The following NRXN1 variants were observed in gnomAD, a reference collection of about 807,000 sequenced individuals.
NRXN1 encodes neurexin-1.
A neutral mutation model predicts 150.9 loss-of-function variants in NRXN1; 39 were observed. That is an observed-to-expected ratio of 0.26 (90% CI 0.20 to 0.34). The LOEUF is 0.34. NRXN1 is among the 10% of genes least tolerant of loss of function. The pLI, the probability that NRXN1 is intolerant of heterozygous loss-of-function variation, is 1.00. For synonymous variants in NRXN1, 924 were observed against 757.0 expected (o/e 1.22, Z -3.62); for missense variants, 1,815 against 1,949.9 (o/e 0.93, Z 1.30).
intron 21 of NRXN1, among the ~76,000 whole-genome samples, chr2:50,003,196 C>T (rs7604754): frequency 0.1 from 15,930 of 152,054 alleles, 870 homozygotes; most frequent in Middle Eastern, 0.21. Flanking sequence ...CCACTTCTGT[C>T]ATTAGTCCCT....
At chr2:50,772,164 C>G (rs1460554820) in intron 5 of NRXN1, among the ~76,000 whole-genome samples, 1 of 151,820 alleles carries the variant, frequency 6.6e-6, no homozygotes, top group Non-Finnish European at 1.5e-5. Flanking sequence ...TATGAGGTCT[C>G]CGATGTGCTT....
intron 17 of NRXN1, among the ~76,000 whole-genome samples, chr2:50,369,700 A>T (rs2079870392): frequency 6.6e-6 from 1 of 151,998 alleles, no homozygotes; most frequent in South Asian, 2.1e-4. Context: ...TCTTTATAGT[A>T]AGTGATGCTG....
At chr2:50,424,727 C>T (rs771558956) in intron 17 of NRXN1, among the ~76,000 whole-genome samples, 1 of 152,156 alleles carries the variant, frequency 6.6e-6, no homozygotes, top group Non-Finnish European at 1.5e-5. Context: ...TTCAGGAATT[C>T]AGCACCCATA....
intron 2 of NRXN1, among the ~76,000 whole-genome samples, chr2:50,940,689 G>T (rs1689298898): frequency 1.3e-5 from 2 of 151,970 alleles, no homozygotes; most frequent in African/African-American, 4.8e-5. Context: ...TAAAGTTTTT[G>T]TTTTTTGTTT....
intron 18 of NRXN1, among the ~76,000 whole-genome samples, chr2:50,173,784 C>A (rs1379010052): frequency 2.0e-5 from 3 of 152,034 alleles, no homozygotes; most frequent in African/African-American, 7.2e-5. Flanking sequence ...TTTAAAAATT[C>A]AGTTGATATA....
At chr2:50,215,664 A>G (rs2063344521) in intron 18 of NRXN1, among the ~76,000 whole-genome samples, 1 of 152,062 alleles carries the variant, frequency 6.6e-6, no homozygotes, top group Non-Finnish European at 1.5e-5. Flanking sequence ...TAAAAAGATT[A>G]TGTGTATAAT....
chr2:49,937,121 G>A (rs1671185986), intron 22 of NRXN1, among the ~76,000 whole-genome samples: 2 of 152,190 alleles, frequency 1.3e-5, no homozygotes, highest in Non-Finnish European at 2.9e-5. Context: ...CCTAATTTCT[G>A]TGGAAAGGGT....
intron 21 of NRXN1, 85 bp downstream of exon 21, chr2:50,053,186 A>G (rs1486410716): frequency 1.4e-6 from 2 of 1,401,830 alleles, no homozygotes; most frequent in Non-Finnish European, 2.0e-6. Flanking sequence ...AAAATGTTCC[A>G]ATTTAGAAAA....
chr2:50,887,987 G>T (rs1255573799), intron 5 of NRXN1, among the ~76,000 whole-genome samples: 2 of 150,406 alleles, frequency 1.3e-5, no homozygotes, highest in Non-Finnish European at 3.0e-5. Context: ...AGTAGAAGAG[G>T]CTGGATAATG....
chr2:50,663,509 A>C (rs1687600174), intron 5 of NRXN1, among the ~76,000 whole-genome samples: 1 of 152,136 alleles, frequency 6.6e-6, no homozygotes, highest in Non-Finnish European at 1.5e-5. Flanking sequence ...CTGAAGTCTA[A>C]GTTATCTCTT....
At chr2:50,102,218 C>T (rs1390546581) in intron 18 of NRXN1, among the ~76,000 whole-genome samples, 1 of 151,866 alleles carries the variant, frequency 6.6e-6, no homozygotes, top group African/African-American at 2.4e-5. Context: ...TTCATCTTCA[C>T]AAAACAGTAA....
chr2:50,286,492 G>A (rs1260235010), intron 17 of NRXN1, among the ~76,000 whole-genome samples: 5 of 152,096 alleles, frequency 3.3e-5, no homozygotes, highest in Admixed American at 2.6e-4. Flanking sequence ...ATAGTAGTCT[G>A]TTGTGTATAT....
At chr2:51,009,457 G>A (rs543222953) in intron 2 of NRXN1, among the ~76,000 whole-genome samples, 21 of 151,874 alleles carry the variant, frequency 1.4e-4, no homozygotes, top group African/African-American at 4.3e-4. Context: ...ATAATATATC[G>A]GGACAAAAGG....
intron 21 of NRXN1, among the ~76,000 whole-genome samples, chr2:50,030,456 G>A (rs1353887921): frequency 1.3e-5 from 2 of 152,096 alleles, no homozygotes; most frequent in Non-Finnish European, 2.9e-5. Context: ...AACACTTTAT[G>A]TCATGCATAT....
chr2:50,181,470 A>C (rs868692503), intron 18 of NRXN1, among the ~76,000 whole-genome samples: 18 of 152,214 alleles, frequency 1.2e-4, no homozygotes, highest in Middle Eastern at 6.8e-3. Flanking sequence ...GTATCTGCTG[A>C]TCTTCAGTCT....
chr2:50,948,176 G>A (rs1453072573), intron 2 of NRXN1, among the ~76,000 whole-genome samples: 1 of 151,908 alleles, frequency 6.6e-6, no homozygotes, highest in Non-Finnish European at 1.5e-5. Context: ...AAGATTTCTT[G>A]AGGTAATTTT....
At chr2:50,657,760 C>T (rs908348099) in intron 5 of NRXN1, among the ~76,000 whole-genome samples, 5 of 152,014 alleles carry the variant, frequency 3.3e-5, no homozygotes, top group African/African-American at 4.8e-5. Flanking sequence ...GCTTGAAATT[C>T]TCACCTTCCT....
chr2:50,808,871 C>A (rs534012582), intron 5 of NRXN1, among the ~76,000 whole-genome samples: 1 of 152,054 alleles, frequency 6.6e-6, no homozygotes, highest in Non-Finnish European at 1.5e-5. Context: ...ACTTACTAAA[C>A]AATTAGGCAA....
At chr2:50,875,163 G>A (rs1678383348) in intron 5 of NRXN1, among the ~76,000 whole-genome samples, 1 of 151,648 alleles carries the variant, frequency 6.6e-6, no homozygotes, top group African/African-American at 2.4e-5. Context: ...TGTTTTGAGA[G>A]AACATATTTA....
Sources: gnomAD v4.1 joint callset for allele counts (sites outside exome capture counted in the v4.1 genomes callset) on GRCh38, gnomAD v4.1.1 for gene constraint, MANE v1.5 for transcripts, NCBI Gene and HGNC (gene_info 2026-07-23, HGNC 2026-07-21) for gene names.